Variants in ABCC4 observed in about 807,000 individuals in gnomAD.
ABCC4 encodes the protein ATP binding cassette subfamily C member 4 (PEL blood group).
In ABCC4, 102 loss-of-function variants were observed where a neutral mutation model predicts 168.5. The observed-to-expected ratio is 0.61, with a 90% CI of 0.52 to 0.71. The LOEUF (loss-of-function observed/expected upper bound fraction) is 0.71. ABCC4 is among the 30% of genes least tolerant of loss of function. The pLI, the probability that ABCC4 is intolerant of heterozygous loss-of-function variation, is 0.00. For missense variants in ABCC4, 1,402 were observed against 1,605.8 expected (o/e 0.87, Z 2.17); for synonymous variants, 617 against 590.7 (o/e 1.04, Z -0.65).
intron 4 of ABCC4, among the ~76,000 whole-genome samples, chr13:95,230,201 T>A (rs1344421455): frequency 6.6e-6 from 1 of 152,186 alleles, no homozygotes; most frequent in African/African-American, 2.4e-5. Context: ...GTAAAAGTTG[T>A]AAGAAATAAC....
chr13:95,188,117 A>T (rs9590194), intron 10 of ABCC4, among the ~76,000 whole-genome samples: 2,340 of 152,290 alleles, frequency 0.015, 63 homozygotes, highest in African/African-American at 0.054. Flanking sequence ...GATGTCTTGT[A>T]GCATCTAGGG....
chr13:95,069,527 G>A (rs1189550401), intron 25 of ABCC4, among the ~76,000 whole-genome samples: 1 of 152,128 alleles, frequency 6.6e-6, no homozygotes, highest in African/African-American at 2.4e-5. Context: ...ATACATTCAT[G>A]TTGTTGGGCA....
chr13:95,170,471 A>G, intron 14 of ABCC4, 61 bp downstream of exon 14: 1 of 945,242 alleles, frequency 1.1e-6, no homozygotes, highest in African/African-American at 1.6e-5. Flanking sequence ...TGGAGGAAGA[A>G]GAAGGGGATT....
chr13:95,159,096 TATATATATATA>T (rs2036987207), intron 19 of ABCC4, among the ~76,000 whole-genome samples: 5 of 52,052 alleles, frequency 9.6e-5, no homozygotes, highest in Non-Finnish European at 1.6e-4. Flanking sequence ...ATAAATTTTA[TATATATATATA>T]TATATATATA....
At position 95,161,175 on chromosome 13, in the gene ABCC4, G is replaced by A; in HGVS notation, c.2455+14C>T. ...ACAAGACATACTTACTGAGAAACTT[G>A]GTGTCAGACTTACCTATTGGATTTC... On this transcript the variant is annotated intron_variant, in intron 19 of 30. Transcript: ENST00000645237. The A allele has an allele frequency of 6.4e-7, 1 of 1,572,934 alleles. No individual in the cohort carries two copies. Among genetic ancestry groups the A allele is most frequent in the Non-Finnish European group, 8.6e-7 (1 of 1,164,850 alleles).
intron 25 of ABCC4, among the ~76,000 whole-genome samples, chr13:95,071,444 G>A (rs933531539): frequency 6.6e-6 from 1 of 152,144 alleles, no homozygotes; most frequent in Non-Finnish European, 1.5e-5. Context: ...GAGTATCCTG[G>A]GTCACGTTAA....
intron 27 of ABCC4, among the ~76,000 whole-genome samples, chr13:95,050,228 G>A (rs73555596): frequency 4.4e-4 from 67 of 152,282 alleles, no homozygotes; most frequent in African/African-American, 1.5e-3. Context: ...AATTCTCTAC[G>A]AGAAGACCCT....
chr13:95,093,597 G>C (rs2034502585), intron 20 of ABCC4, among the ~76,000 whole-genome samples: 1 of 152,084 alleles, frequency 6.6e-6, no homozygotes, highest in Non-Finnish European at 1.5e-5. Context: ...TACTGAATGG[G>C]GAAAAGTTGA....
rs555620837 is a variant in ABCC4, at chr13:95,183,966, G to A, written c.1545+2735C>T. On this transcript the variant is annotated intron_variant, in intron 11 of 30. Coordinates refer to ENST00000645237, the MANE Select transcript of ABCC4 (RefSeq NM_005845.5). ...AATGACAAAGCTGGGCCAGACTCCT[G>A]CTCTGTTCGACTTCTCCACCACCGG... Among the ~76,000 whole-genome samples the A allele has an allele frequency of 1.1e-3, 84 of 78,778 alleles. 3 individuals carry two copies. The South Asian group carries it at 0.029, about 27-fold the overall frequency. 51.7% of individuals were successfully genotyped at this position (78,778 alleles called of 152,430 possible).
chr13:95,254,955 G>A (rs2040357287), intron 1 of ABCC4, among the ~76,000 whole-genome samples: 1 of 152,126 alleles, frequency 6.6e-6, no homozygotes, highest in East Asian at 1.9e-4. Flanking sequence ...AACACATCCT[G>A]TAAAAATTAC....
intron 21 of ABCC4, among the ~76,000 whole-genome samples, chr13:95,079,952 T>C (rs559261619): frequency 2.6e-5 from 4 of 152,364 alleles, no homozygotes; most frequent in Non-Finnish European, 5.9e-5. Context: ...GGCTGTGCTT[T>C]TAATCTGAGC....
At position 95,163,197 on chromosome 13, in the gene ABCC4, G is replaced by C. The variant is rs749283158; in HGVS notation, c.2233C>G (p.Leu745Val). 2.5e-6 allele frequency: 4 copies of C among 1,612,398 alleles called. No individual in the cohort carries two copies. Among genetic ancestry groups the C allele is most frequent in the Non-Finnish European group, 3.4e-6 (4 of 1,178,974 alleles). The change falls in exon 18 of 31, where the codon CTA becomes GTA. Residue 745 changes from leucine to valine, a missense_variant. Around this residue, in one of 3 missense-constraint regions of ABCC4, gnomAD observed 1,007 missense variants for 1,127.3 expected, o/e 0.89. Transcript: ENST00000645237. The stretch of plus-strand genomic sequence containing the variant: ...CCTCCTCCATTTACAGTGACATTTA[G>C]CATACTTTGTTTGTTTGCCCTATGG... ...LSYWANKQSM[L>V]NVTVNGGGNV...
intron 19 of ABCC4, among the ~76,000 whole-genome samples, chr13:95,135,090 T>C (rs769640703): frequency 1.3e-5 from 2 of 152,172 alleles, no homozygotes; most frequent in Non-Finnish European, 2.9e-5. Flanking sequence ...GCAAAAGCTA[T>C]TTGAAAATCT....
At chr13:95,296,562 T>C (rs2041540187) in intron 1 of ABCC4, among the ~76,000 whole-genome samples, 1 of 152,098 alleles carries the variant, frequency 6.6e-6, no homozygotes, top group African/African-American at 2.4e-5. Flanking sequence ...CACTGAGATA[T>C]GGCCAGCAAC....
At chr13:95,045,815 C>T (rs1354409255) in intron 27 of ABCC4, among the ~76,000 whole-genome samples, 1 of 152,008 alleles carries the variant, frequency 6.6e-6, no homozygotes, top group African/African-American at 2.4e-5. Flanking sequence ...ACTACAATGC[C>T]CAACAACAAA....
chr13:95,156,985 G>A (rs1049176489), intron 19 of ABCC4, among the ~76,000 whole-genome samples: 7 of 151,774 alleles, frequency 4.6e-5, no homozygotes, highest in Non-Finnish European at 1.0e-4. Context: ...CCAGCTACTC[G>A]GGAGGCTGAG....
At chr13:95,037,274 T>C (rs2032165560) in intron 29 of ABCC4, among the ~76,000 whole-genome samples, 1 of 152,098 alleles carries the variant, frequency 6.6e-6, no homozygotes, top group Non-Finnish European at 1.5e-5. Flanking sequence ...AACTAAAATA[T>C]CAGTTTGTGA....
At chr13:95,037,434 G>C (rs1216142112) in intron 29 of ABCC4, among the ~76,000 whole-genome samples, 1 of 152,170 alleles carries the variant, frequency 6.6e-6, no homozygotes, top group Admixed American at 6.5e-5. Flanking sequence ...TATCATTTTA[G>C]GAATGGGAGA....
chr13:95,211,231 T>G (rs891553717), intron 4 of ABCC4, among the ~76,000 whole-genome samples: 2 of 152,162 alleles, frequency 1.3e-5, no homozygotes, highest in African/African-American at 2.4e-5. Flanking sequence ...ATCACAGGGT[T>G]TCAATGTGTT....
Sources: gnomAD v4.1 joint callset for allele counts (sites outside exome capture counted in the v4.1 genomes callset) on GRCh38, gnomAD v4.1.1 for gene constraint, gnomAD v4.1.1 regional missense constraint, MANE v1.5 for transcripts, NCBI Gene and HGNC (gene_info 2026-07-23, HGNC 2026-07-21) for gene names.